CCND2: variants seen among roughly 807,000 people sequenced by gnomAD.
CCND2 encodes the protein G1/S-specific cyclin-D2.
Under a neutral mutation model 30.2 loss-of-function variants are expected in CCND2, and 6 were observed. The ratio of observed to expected loss-of-function variants is 0.20; its 90% CI spans 0.11 to 0.39. The LOEUF is 0.39. CCND2 is among the 10% of genes least tolerant of loss of function. The pLI, the probability that CCND2 is intolerant of heterozygous loss-of-function variation, is 1.00. For synonymous variants in CCND2, 150 were observed against 153.1 expected (o/e 0.98, Z 0.15); for missense variants, 235 against 373.4 (o/e 0.63, Z 3.06).
At position 4,288,183 on chromosome 12, in the gene CCND2, C is replaced by A. The variant is rs147072748; in HGVS notation, c.572-659C>A. Among the ~76,000 whole-genome samples, 2 of 152,126 alleles carry A rather than the reference C, an allele frequency of 1.3e-5. 1 individual carries two copies. Among genetic ancestry groups the A allele is most frequent in the Middle Eastern group, 6.8e-3 (2 of 294 alleles). ...TGGGAACTGGGTGGAACTCAGCCCCCACTCGCCCACTCCCTGCATTGCTGC... is the reference window on the plus strand; with the variant it reads ...TGGGAACTGGGTGGAACTCAGCCCCAACTCGCCCACTCCCTGCATTGCTGC... On this transcript the variant is annotated intron_variant, in intron 3 of 4. Coordinates refer to ENST00000261254, the MANE Select transcript of CCND2 (RefSeq NM_001759.4).
rs562182290 is a variant in CCND2, at chr12:4,288,870, G to C, written c.600G>C (p.Ser200=). Residue 200 remains serine, a synonymous_variant, in exon 4 of 5, where the codon TCG becomes TCC. Transcript: ENST00000261254. ...TTAAGTTTGCCATGTACCCACCGTCGATGATCGCAACTGGAAGTGTGGGAG... is the reference window on the plus strand; with the variant it reads ...TTAAGTTTGCCATGTACCCACCGTCCATGATCGCAACTGGAAGTGTGGGAG... ...TDFKFAMYPP[S]MIATGSVGAA... is the part of the protein sequence containing the mutation. 6 of 1,613,320 alleles carry C rather than the reference G, an allele frequency of 3.7e-6. No homozygotes were observed. Among genetic ancestry groups the C allele is most frequent in the Non-Finnish European group, 4.2e-6 (5 of 1,179,722 alleles).
In CCND2 at chr12:4,279,005, C is replaced by A. The variant is rs979217904; in HGVS notation, c.571+86C>A. 1.3e-5 allele frequency: 18 copies of A among 1,370,202 alleles called. No individual in the cohort carries two copies. The African/African-American group carries it at 2.3e-4, about 17-fold the overall frequency. 84.9% of individuals were successfully genotyped at this position (1,370,202 alleles called of 1,614,324 possible). A position where few individuals can be genotyped will look rare whatever the true frequency, so the allele number is the denominator to read the frequency against. ...AGAGGCAAAAGGCCGTAGGAACTTT[C>A]ATTTTAGTTCAGGAGTTTGGAGGAG... is the stretch of plus-strand genomic sequence containing the variant. On this transcript the variant is annotated intron_variant, in intron 3 of 4. Transcript: ENST00000261254.
rs979380061 is a variant in CCND2 at position 4,302,152 on chromosome 12, G to C, written c.*2143G>C. 9.0e-5 allele frequency: 21 copies of C among 232,976 alleles called. No homozygotes were observed. Among genetic ancestry groups the C allele is most frequent in the Non-Finnish European group, 1.4e-4 (16 of 117,736 alleles). 14.4% of individuals were successfully genotyped at this position (232,976 alleles called of 1,614,324 possible). A position where few individuals can be genotyped will look rare whatever the true frequency, so the allele number is the denominator to read the frequency against. On this transcript the variant is annotated 3_prime_UTR_variant, in exon 5 of 5. Coordinates refer to ENST00000261254, the MANE Select transcript of CCND2 (RefSeq NM_001759.4). ...GGGCTGACTCCCTCTCAGGTGGAAG[G>C]CAGGGCGGTCTCACTCCCAGGGACC... is the stretch of plus-strand genomic sequence containing the variant.
At chr12:4,275,001 CA>C (rs1015684093) in intron 1 of CCND2, 3 of 152,392 alleles carry the variant, frequency 2.0e-5, no homozygotes, top group African/African-American at 7.2e-5. Context: ...CCCCACCCCC[CA>C]CCTCACGAAG....
chr12:4,297,180 C>T (rs1046115735), intron 4 of CCND2, among the ~76,000 whole-genome samples: 18 of 152,148 alleles, frequency 1.2e-4, no homozygotes, highest in Non-Finnish European at 2.5e-4. Context: ...GCCTTAACCC[C>T]CACATTCATT....
At chr12:4,280,522 G>A (rs1329182228) in intron 3 of CCND2, among the ~76,000 whole-genome samples, 2 of 152,218 alleles carry the variant, frequency 1.3e-5, no homozygotes, top group East Asian at 1.9e-4. Context: ...CCCTGGGGGC[G>A]GTTCTTAGGA....
At chr12:4,286,512 C>T (rs957416667) in intron 3 of CCND2, among the ~76,000 whole-genome samples, 5 of 152,186 alleles carry the variant, frequency 3.3e-5, no homozygotes, top group African/African-American at 7.2e-5. Flanking sequence ...GAGGGCAGCA[C>T]GGCCGCCGTC....
chr12:4,304,990 T>G lies in CCND2; in HGVS notation c.*4981T>G. Reference sequence around the variant, plus strand: ...TTCTTGTCTTGGACTTTTTTTTTTCTTTTCTTTTTCTTTTTTTTTTTGCTT... The same window carrying G: ...TTCTTGTCTTGGACTTTTTTTTTTCGTTTCTTTTTCTTTTTTTTTTTGCTT... On this transcript the variant is annotated 3_prime_UTR_variant, in exon 5 of 5. Transcript: ENST00000261254. The surrounding 1 kb of genome is among the most constrained non-coding windows in gnomAD (Gnocchi z 6.2). 4.8e-6 allele frequency: 1 copy of G among 210,514 alleles called. No homozygotes were observed. Among genetic ancestry groups the G allele is most frequent in the African/African-American group, 2.9e-5 (1 of 34,672 alleles). The allele number at this position is 210,514 out of a possible 1,614,324, so 13.0% of individuals were successfully genotyped here.
At position 4,273,805 on chromosome 12, in the gene CCND2, G is replaced by A; in HGVS notation, c.-236G>A. ...CAGGGGAGAGCGAGACCAGTTTTAA[G>A]GGGAGGACCGGTGCGAGTGAGGCAG... On this transcript the variant is annotated 5_prime_UTR_variant, in exon 1 of 5. Transcript: ENST00000261254. The surrounding 1 kb of genome is among the most constrained non-coding windows in gnomAD (Gnocchi z 5.9). 3 of 588,480 alleles carry A rather than the reference G, an allele frequency of 5.1e-6. No individual in the cohort carries two copies. In the South Asian group the frequency reaches 6.1e-5, roughly 12 times the overall value. The allele number at this position is 588,480 out of a possible 1,614,324, so 36.5% of individuals were successfully genotyped here.
At chr12:4,296,234 A>C (rs994066734) in intron 4 of CCND2, among the ~76,000 whole-genome samples, 1 of 152,216 alleles carries the variant, frequency 6.6e-6, no homozygotes, top group African/African-American at 2.4e-5. Context: ...TGGAGTCCCA[A>C]GTTGGCCATA....
intron 4 of CCND2, among the ~76,000 whole-genome samples, chr12:4,291,977 T>C (rs1864107211): frequency 6.6e-6 from 1 of 152,160 alleles, no homozygotes; most frequent in African/African-American, 2.4e-5. Flanking sequence ...AGTTAGTGTT[T>C]AATGCGTACG....
intron 1 of CCND2, among the ~76,000 whole-genome samples, chr12:4,275,669 T>A (rs1863861529): frequency 6.6e-6 from 1 of 151,464 alleles, no homozygotes. Flanking sequence ...CAAAAAAGAG[T>A]GAGTGAGTTA....
rs1053690807 is a variant in CCND2 at position 4,274,430 on chromosome 12, G to T, written c.195+195G>T. On this transcript the variant is annotated intron_variant, in intron 1 of 4. Coordinates refer to ENST00000261254, the MANE Select transcript of CCND2 (RefSeq NM_001759.4). This position sits in a 1 kb window ranked among gnomAD's most constrained non-coding sequence, Gnocchi z 7.7. ...CTCCAGATAAACTGGGGAGGCAGAG[G>T]GGGGAGGAAAATCTGGGAGAAGCGA... Among the ~76,000 whole-genome samples the T allele has an allele frequency of 2.0e-5, 3 of 152,238 alleles. No individual in the cohort carries two copies. The highest frequency in any genetic ancestry group is 6.5e-5 in the Admixed American group (1 of 15,288).
chr12:4,277,898 G>A (rs964796020), intron 2 of CCND2, among the ~76,000 whole-genome samples: 6 of 152,230 alleles, frequency 3.9e-5, no homozygotes, highest in Admixed American at 1.3e-4. Flanking sequence ...ATTTTGGACC[G>A]TTTCCCTTTG....
rs3217915 is a variant in CCND2 at position 4,298,862 on chromosome 12, T to C, written c.721-998T>C. On this transcript the variant is annotated intron_variant, in intron 4 of 4. Coordinates refer to ENST00000261254, the MANE Select transcript of CCND2 (RefSeq NM_001759.4). Reference sequence around the variant, plus strand: ...TGACTTGTCATTGCATTGCATGTCATCTGCCTAAGAGAAGCTCCTGCCTGG... The same window carrying C: ...TGACTTGTCATTGCATTGCATGTCACCTGCCTAAGAGAAGCTCCTGCCTGG... 4.4e-3 allele frequency among the ~76,000 whole-genome samples: 676 copies of C among 152,322 alleles called. 30 individuals carry two copies. In the East Asian group the frequency reaches 0.11, roughly 24 times the overall value.
chr12:4,299,945 C>G lies in CCND2; in HGVS notation c.806C>G (p.Ser269Cys). The change falls in exon 5 of 5, where the codon TCC (serine) becomes TGC (cysteine). Residue 269 changes from serine to cysteine, a missense_variant. By Grantham distance (112) the Ser-to-Cys change is moderately radical. Around this residue, in one of 2 missense-constraint regions of CCND2, gnomAD observed 57 missense variants for 50.7 expected, o/e 1.12. Transcript: ENST00000261254. This position sits in a 1 kb window ranked among gnomAD's most constrained non-coding sequence, Gnocchi z 5.2. ...QQYRQDQRDG[S>C]KSEDELDQAS... ...TACCGTCAGGACCAACGTGACGGAT[C>G]CAAGTCGGAGGATGAACTGGACCAA... The G allele has an allele frequency of 6.2e-7, 1 of 1,614,140 alleles. No individual in the cohort carries two copies. Among genetic ancestry groups the G allele is most frequent in the Non-Finnish European group, 8.5e-7 (1 of 1,180,024 alleles).
At chr12:4,292,353 G>A (rs1480352106) in intron 4 of CCND2, among the ~76,000 whole-genome samples, 10 of 152,094 alleles carry the variant, frequency 6.6e-5, no homozygotes, top group Admixed American at 6.5e-4. Flanking sequence ...TTCCCCCAGA[G>A]CCCCTGAAGT....
At chr12:4,283,750 C>T (rs1439453094) in intron 3 of CCND2, among the ~76,000 whole-genome samples, 1 of 152,176 alleles carries the variant, frequency 6.6e-6, no homozygotes, top group East Asian at 1.9e-4. Context: ...GTCGGGTGTT[C>T]CTGGTTATCT....
In CCND2 at chr12:4,273,905, T is replaced by TC. The variant is rs1863821200; in HGVS notation, c.-131dup. 1.5e-5 allele frequency: 12 copies of TC among 808,212 alleles called. No individual in the cohort carries two copies. In the South Asian group the frequency reaches 1.6e-4, roughly 11 times the overall value. 50.1% of individuals were successfully genotyped at this position (808,212 alleles called of 1,614,324 possible). ...CACCTTCTCTCTCTGCCCTCACCTC[T>TC]CCCCCGAAAACCCCCTATTTAGCCA... is the stretch of plus-strand genomic sequence containing the variant. On this transcript the variant is annotated 5_prime_UTR_variant, in exon 1 of 5. Coordinates refer to ENST00000261254, the MANE Select transcript of CCND2 (RefSeq NM_001759.4). This position sits in a 1 kb window ranked among gnomAD's most constrained non-coding sequence, Gnocchi z 5.9.
Sources: allele counts gnomAD v4.1 joint callset (sites outside exome capture counted in the v4.1 genomes callset), GRCh38; gene constraint gnomAD v4.1.1; regional missense constraint gnomAD v4.1.1; non-coding constraint Gnocchi (gnomAD v3.1); transcripts MANE v1.5; gene names NCBI Gene and HGNC (gene_info 2026-07-23, HGNC 2026-07-21).